DLC1: variants seen among roughly 807,000 people sequenced by gnomAD.
DLC1 encodes the protein DLC1 Rho GTPase activating protein, also known as rho GTPase-activating protein 7.
In DLC1, 54 loss-of-function variants were observed where a neutral mutation model predicts 140.3. The ratio of observed to expected loss-of-function variants is 0.38; its 90% CI spans 0.31 to 0.48. The LOEUF (loss-of-function observed/expected upper bound fraction) is 0.48. DLC1 is among the 20% of genes least tolerant of loss of function. The pLI, the probability that DLC1 is intolerant of heterozygous loss-of-function variation, is 0.96. For synonymous variants in DLC1, 986 were observed against 728.1 expected (o/e 1.35, Z -5.70); for missense variants, 2,536 against 1,907.0 (o/e 1.33, Z -6.14).
intron 1 of DLC1, among the ~76,000 whole-genome samples, chr8:13,572,394 A>G (rs946869038): frequency 2.0e-5 from 3 of 152,148 alleles, no homozygotes; most frequent in Admixed American, 2.0e-4. Flanking sequence ...GTAAATTCTT[A>G]TCAGATATAT....
chr8:13,136,664 A>G (rs1360119617), intron 5 of DLC1, among the ~76,000 whole-genome samples: 9 of 152,206 alleles, frequency 5.9e-5, no homozygotes, highest in Non-Finnish European at 8.8e-5. Context: ...CCTCCCAAGT[A>G]GCTGGCACTA....
intron 5 of DLC1, among the ~76,000 whole-genome samples, chr8:13,199,958 G>C (rs977338842): frequency 6.6e-6 from 1 of 152,154 alleles, no homozygotes; most frequent in African/African-American, 2.4e-5. Context: ...CATGTATTAA[G>C]TATTTATAGT....
chr8:13,371,779 G>A (rs1363532371), intron 4 of DLC1, among the ~76,000 whole-genome samples: 1 of 152,122 alleles, frequency 6.6e-6, no homozygotes, highest in African/African-American at 2.4e-5. Context: ...TGTGTTTCCT[G>A]TTTAACTGTG....
At chr8:13,152,911 G>C (rs957768300) in intron 5 of DLC1, among the ~76,000 whole-genome samples, 1 of 151,422 alleles carries the variant, frequency 6.6e-6, no homozygotes, top group Non-Finnish European at 1.5e-5. Context: ...TAGTTGGTTA[G>C]AAGAATTTAA....
At chr8:13,488,910 G>A (rs1379498669) in intron 2 of DLC1, among the ~76,000 whole-genome samples, 1 of 151,994 alleles carries the variant, frequency 6.6e-6, no homozygotes, top group East Asian at 1.9e-4. Context: ...TAAATATTTA[G>A]CCAACGAATG....
rs574098201 is a variant in DLC1, at chr8:13,252,904, A to G, written c.1348+52365T>C. Among the ~76,000 whole-genome samples, 175 of 152,236 alleles carry G rather than the reference A, an allele frequency of 1.1e-3. 2 individuals carry two copies. The highest frequency in any genetic ancestry group is 2.1e-3 in the Non-Finnish European group (145 of 68,046). ...GGCTCAGAACTTATTTATAGAAAAC[A>G]TTAAGTTTTATCAAGAACCCAAACA... On this transcript the variant is annotated intron_variant, in intron 5 of 17. Coordinates refer to ENST00000276297, the MANE Select transcript of DLC1 (RefSeq NM_182643.3).
chr8:13,306,930 A>C (rs1043308295), intron 4 of DLC1, among the ~76,000 whole-genome samples: 2 of 151,738 alleles, frequency 1.3e-5, no homozygotes, highest in African/African-American at 4.8e-5. Context: ...CTAAAAATAC[A>C]AAAATTAGCC....
Position 13,472,981 on chromosome 8 carries a change from G to T in DLC1, c.1023+26068C>A, listed in dbSNP as rs1800280286. Among the ~76,000 whole-genome samples, 7 of 152,244 alleles carry T rather than the reference G, an allele frequency of 4.6e-5. No homozygotes were observed. The South Asian group carries it at 1.5e-3, about 32-fold the overall frequency. ...GTCATAATAAGAGTAAGGAAAAAAA[G>T]AAATATCTACCTTTGAACTAAGAAG... On this transcript the variant is annotated intron_variant, in intron 2 of 17. Coordinates refer to ENST00000276297, the MANE Select transcript of DLC1 (RefSeq NM_182643.3).
intron 4 of DLC1, among the ~76,000 whole-genome samples, chr8:13,349,178 G>C (rs1834516108): frequency 6.6e-6 from 1 of 152,066 alleles, no homozygotes; most frequent in Non-Finnish European, 1.5e-5. Context: ...AGGTGCAATG[G>C]GGGAAATATC....
intron 4 of DLC1, among the ~76,000 whole-genome samples, chr8:13,350,441 C>G (rs561105842): frequency 1.3e-5 from 2 of 152,186 alleles, no homozygotes; most frequent in African/African-American, 4.8e-5. Context: ...CCAGGCCAGG[C>G]GTGGTGGCTC....
At chr8:13,217,493 T>G (rs982617915) in intron 5 of DLC1, among the ~76,000 whole-genome samples, 1 of 152,084 alleles carries the variant, frequency 6.6e-6, no homozygotes, top group African/African-American at 2.4e-5. Context: ...CTTCCCCCAT[T>G]AGGCTGTGAA....
chr8:13,505,740 T>C (rs1168256351), intron 1 of DLC1, among the ~76,000 whole-genome samples: 1 of 152,210 alleles, frequency 6.6e-6, no homozygotes, highest in African/African-American at 2.4e-5. Context: ...ATGAGATTCT[T>C]AGGTCAGTTC....
At chr8:13,528,592 T>C (rs915306149) in intron 1 of DLC1, among the ~76,000 whole-genome samples, 1 of 152,168 alleles carries the variant, frequency 6.6e-6, no homozygotes, top group Non-Finnish European at 1.5e-5. Flanking sequence ...TATTAGTTTT[T>C]TGTGGGCCAA....
chr8:13,197,376 T>A (rs1235620049), intron 5 of DLC1, among the ~76,000 whole-genome samples: 2 of 151,946 alleles, frequency 1.3e-5, no homozygotes, highest in Non-Finnish European at 2.9e-5. Flanking sequence ...GAGATGGGAG[T>A]CTTGCTCTGT....
At chr8:13,480,494 C>A (rs186992897) in intron 2 of DLC1, among the ~76,000 whole-genome samples, 79 of 152,202 alleles carry the variant, frequency 5.2e-4, no homozygotes, top group African/African-American at 1.8e-3. Flanking sequence ...CTGCTTTGTT[C>A]TGGAGTGAAT....
At chr8:13,288,517 G>A (rs74547131) in intron 5 of DLC1, among the ~76,000 whole-genome samples, 59 of 152,250 alleles carry the variant, frequency 3.9e-4, no homozygotes, top group African/African-American at 1.2e-3. Flanking sequence ...TCCTTGCCTA[G>A]AAATGCCTCA....
rs138181048 is a variant in DLC1 at position 13,091,431 on chromosome 8, C to A, written c.3742G>T (p.Val1248Leu). 1.9e-6 allele frequency: 3 copies of A among 1,613,182 alleles called. No homozygotes were observed. Among genetic ancestry groups the A allele is most frequent in the Non-Finnish European group, 2.5e-6 (3 of 1,179,486 alleles). Residue 1248 changes from valine (V) to leucine (L), a missense_variant and splice_region_variant, in exon 14 of 18, where the codon GTA becomes TTA. Val to Leu is a conservative substitution (Grantham distance 32). Coordinates refer to ENST00000276297, the MANE Select transcript of DLC1 (RefSeq NM_182643.3). ...TLKRENSSPR[V>L]MQRKQSLGKP... is the part of the protein sequence containing the mutation. ...CCCAAACTTTGTTTTCTTTGCATTA[C>A]CCTAGGTAGAAGAAATACAGGAGGG...
intron 2 of DLC1, among the ~76,000 whole-genome samples, chr8:13,468,325 T>TGCCCC (rs1800038129): frequency 9.0e-6 from 1 of 111,632 alleles, no homozygotes. Context: ...TTCTCTCTCT[T>TGCCCC]TCCCTTCCCC....
intron 2 of DLC1, among the ~76,000 whole-genome samples, chr8:13,461,188 G>A (rs959496385): frequency 2.0e-5 from 3 of 152,192 alleles, no homozygotes; most frequent in South Asian, 2.1e-4. Context: ...CCAGCCTGGC[G>A]GACAGAGCAA....
Sources: allele counts gnomAD v4.1 joint callset (sites outside exome capture counted in the v4.1 genomes callset), GRCh38; gene constraint gnomAD v4.1.1; transcripts MANE v1.5; gene names NCBI Gene and HGNC (gene_info 2026-07-23, HGNC 2026-07-21).